OSBPL9: variants seen among roughly 807,000 people sequenced by gnomAD.
OSBPL9 encodes oxysterol binding protein like 9.
Under a neutral mutation model 106.6 loss-of-function variants are expected in OSBPL9, and 40 were observed. That is an observed-to-expected ratio of 0.38 (90% confidence interval 0.29 to 0.49). OSBPL9 has a LOEUF of 0.49. Among genes scored for constraint, OSBPL9 ranks in the 20% least tolerant of loss-of-function variants. The probability of loss-of-function intolerance (pLI) is 0.97; values close to 1 mark genes in which losing one functional copy is unlikely to be tolerated. For synonymous variants in OSBPL9, 269 were observed against 295.4 expected (o/e 0.91, Z 0.92); for missense variants, 609 against 887.2 (o/e 0.69, Z 3.98).
At chr1:51,647,395 CT>C (rs918693670) in intron 1 of OSBPL9, among the ~76,000 whole-genome samples, 11 of 151,558 alleles carry the variant, frequency 7.3e-5, no homozygotes, top group African/African-American at 2.4e-4. Context: ...GATTTTTTTT[CT>C]GGTTTTGGTA....
At chr1:51,549,641 G>C in the OSBPL9 span, among the ~76,000 whole-genome samples, 1 of 152,204 alleles carries the variant, frequency 6.6e-6, no homozygotes, top group Non-Finnish European at 1.5e-5. Context: ...GGACCAGCCT[G>C]GCCAACATGA....
intron 1 of OSBPL9, among the ~76,000 whole-genome samples, chr1:51,630,459 A>G (rs1371511302): frequency 1.3e-5 from 2 of 152,138 alleles, no homozygotes; most frequent in East Asian, 3.9e-4. Context: ...TATAATGGTA[A>G]ATATTTGTGT....
Position 51,748,424 on chromosome 1 carries a change from G to T in OSBPL9, c.492+26G>T. ...GTAAGTTATATGTTTGATACATTCT[G>T]ACTTTGCATTAGAAAATGTTTTAAA... On this transcript the variant is annotated intron_variant, in intron 7 of 23. Coordinates refer to ENST00000428468, the MANE Select transcript of OSBPL9 (RefSeq NM_024586.6). 3.4e-6 allele frequency: 5 copies of T among 1,454,708 alleles called. No individual in the cohort carries two copies. In the South Asian group the frequency reaches 6.2e-5, roughly 18 times the overall value. 90.1% of individuals were successfully genotyped at this position (1,454,708 alleles called of 1,614,324 possible).
intron 2 of OSBPL9, among the ~76,000 whole-genome samples, chr1:51,653,280 A>C (rs1184035068): frequency 6.6e-6 from 1 of 151,848 alleles, no homozygotes; most frequent in Non-Finnish European, 1.5e-5. Flanking sequence ...TGTTGACCTC[A>C]GTCACCAGTC....
At chr1:51,682,426 A>G (rs1298341123) in intron 3 of OSBPL9, among the ~76,000 whole-genome samples, 2 of 152,088 alleles carry the variant, frequency 1.3e-5, no homozygotes, top group African/African-American at 4.8e-5. Context: ...TTGCCAAGAT[A>G]TGGAGTCACC....
At chr1:51,662,007 G>T (rs1647205068) in intron 2 of OSBPL9, among the ~76,000 whole-genome samples, 1 of 152,084 alleles carries the variant, frequency 6.6e-6, no homozygotes, top group Non-Finnish European at 1.5e-5. Flanking sequence ...ATGAAAGGGG[G>T]ATCTATTCAT....
chr1:51,523,474 T>C, the OSBPL9 span, among the ~76,000 whole-genome samples: 1 of 150,744 alleles, frequency 6.6e-6, no homozygotes, highest in Non-Finnish European at 1.5e-5. Flanking sequence ...TTATTTTTAA[T>C]CTTTTTTTTT....
intron 1 of OSBPL9, among the ~76,000 whole-genome samples, chr1:51,629,525 C>T (rs753059044): frequency 3.3e-5 from 5 of 152,124 alleles, no homozygotes; most frequent in Non-Finnish European, 7.3e-5. Flanking sequence ...ATACCTAGTC[C>T]ATGTGGTAGG....
rs115298490 is a variant in OSBPL9 at position 51,784,862 on chromosome 1, G to A, written c.1829+280G>A. On this transcript the variant is annotated intron_variant, in intron 20 of 23. Coordinates refer to ENST00000428468, the MANE Select transcript of OSBPL9 (RefSeq NM_024586.6). ...CTTCCTAGGTTGCCTAGCTAAACCA[G>A]ATTATGGATCCCTAATTTATTCTTG... The A allele has an allele frequency of 1.4e-3, 574 of 409,646 alleles. 5 individuals are homozygous for A. Among genetic ancestry groups the A allele is most frequent in the African/African-American group, 0.011 (525 of 49,088 alleles). The allele number at this position is 409,646 out of a possible 1,614,324, so 25.4% of individuals were successfully genotyped here.
chr1:51,737,430 AT>A (rs1665932759), intron 4 of OSBPL9, among the ~76,000 whole-genome samples: 1 of 152,046 alleles, frequency 6.6e-6, no homozygotes, highest in Non-Finnish European at 1.5e-5. Context: ...AACAACATGA[AT>A]GTGTAAAATA....
chr1:51,682,198 C>T (rs371433694), intron 3 of OSBPL9, among the ~76,000 whole-genome samples: 3 of 150,872 alleles, frequency 2.0e-5, no homozygotes, highest in Non-Finnish European at 3.0e-5. Context: ...AGCAAGACTC[C>T]GTCTCAAAAA....
Position 51,601,224 on chromosome 1 carries a change from T to A in OSBPL9, c.-353+3031T>A, listed in dbSNP as rs191267823. Among the ~76,000 whole-genome samples, 70 of 152,308 alleles carry A rather than the reference T, an allele frequency of 4.6e-4. 3 individuals carry two copies. In the South Asian group the frequency reaches 0.012, roughly 25 times the overall value. ...TTTAATTACAAAGCTACAAAGTGAG[T>A]GCATAAATTATGCACTAAGGCCCAT... is the stretch of plus-strand genomic sequence containing the variant. On this transcript the variant is annotated intron_variant, in intron 2 of 25. Coordinates refer to the OSBPL9 transcript ENST00000371714.
At chr1:51,558,693 C>T in the OSBPL9 span, among the ~76,000 whole-genome samples, 15 of 152,156 alleles carry the variant, frequency 9.9e-5, no homozygotes, top group Admixed American at 2.0e-4. Flanking sequence ...TCCAAATTTT[C>T]GGAGAGGCTA....
intron 2 of OSBPL9, among the ~76,000 whole-genome samples, chr1:51,652,686 A>G (rs1646590327): frequency 1.3e-5 from 2 of 152,208 alleles, no homozygotes; most frequent in South Asian, 4.1e-4. Flanking sequence ...GTACATCTCA[A>G]TTAGGACTAG....
chr1:51,635,695 A>G (rs1343131814), intron 1 of OSBPL9, among the ~76,000 whole-genome samples: 1 of 152,122 alleles, frequency 6.6e-6, no homozygotes, highest in African/African-American at 2.4e-5. Context: ...GCTCCGTGAA[A>G]GTGGTTCTCT....
chr1:51,712,303 G>GAGGCAGGAGAATC (rs1271230613), intron 3 of OSBPL9, among the ~76,000 whole-genome samples: 3 of 152,236 alleles, frequency 2.0e-5, no homozygotes, highest in Non-Finnish European at 4.4e-5. Flanking sequence ...TCGGCAGGCT[G>GAGGCAGGAGAATC]AGGCAGGAGA....
chr1:51,545,209 G>T, the OSBPL9 span, among the ~76,000 whole-genome samples: 1 of 151,976 alleles, frequency 6.6e-6, no homozygotes, highest in Non-Finnish European at 1.5e-5. Flanking sequence ...ATGTGAACTG[G>T]GTTGCGATCT....
chr1:51,584,220 T>C (rs1645235822), intron 1 of OSBPL9, among the ~76,000 whole-genome samples: 1 of 152,122 alleles, frequency 6.6e-6, no homozygotes, highest in South Asian at 2.1e-4. Flanking sequence ...ATGTTGTCCT[T>C]GAGGCCGCTG....
rs1024299411 is a variant in OSBPL9, at chr1:51,761,793, C to A, written c.674-74C>A. ...ATTACTGGCCTTTAGGATTTTGAAT[C>A]CCAGACAATTACAGTCAATAGAATG... On this transcript the variant is annotated intron_variant, in intron 10 of 23. Coordinates refer to ENST00000428468, the MANE Select transcript of OSBPL9 (RefSeq NM_024586.6). 9 of 1,163,202 alleles carry A rather than the reference C, an allele frequency of 7.7e-6. No homozygotes were observed. The African/African-American group carries it at 1.2e-4, about 16-fold the overall frequency. The allele number at this position is 1,163,202 out of a possible 1,614,324, so 72.1% of individuals were successfully genotyped here. A position where few individuals can be genotyped will look rare whatever the true frequency, so the allele number is the denominator to read the frequency against.
Sources: gnomAD v4.1 joint callset for allele counts (sites outside exome capture counted in the v4.1 genomes callset) on GRCh38, gnomAD v4.1.1 for gene constraint, MANE v1.5 for transcripts, NCBI Gene and HGNC (gene_info 2026-07-23, HGNC 2026-07-21) for gene names.